The following FUT8 variants were observed in gnomAD, a reference collection of about 807,000 sequenced individuals.
FUT8 encodes the protein fucosyltransferase 8.
In FUT8, 29 loss-of-function variants were observed where a neutral mutation model predicts 71.3. The observed-to-expected ratio is 0.41, with a 90% CI of 0.30 to 0.55. FUT8 has a LOEUF of 0.55. FUT8 is among the 20% of genes least tolerant of loss of function. FUT8 has a pLI of 0.34. For missense variants in FUT8, 544 were observed against 702.1 expected, an observed-to-expected ratio of 0.77 and a Z score of 2.55; for synonymous variants, 254 against 239.3, an observed-to-expected ratio of 1.06 and a Z score of -0.57.
intron 1 of FUT8, among the ~76,000 whole-genome samples, chr14:65,419,819 C>T (rs990277345): frequency 6.6e-6 from 1 of 152,076 alleles, no homozygotes; most frequent in African/African-American, 2.4e-5. Context: ...GTAAACCGAC[C>T]CCCTCAACAG....
At chr14:65,381,556 G>A in the FUT8 span, among the ~76,000 whole-genome samples, 4 of 152,256 alleles carry the variant, frequency 2.6e-5, no homozygotes, top group East Asian at 3.9e-4. Flanking sequence ...TAACTATTCC[G>A]GGCCTCTTGA....
the FUT8 span, among the ~76,000 whole-genome samples, chr14:65,368,577 A>G: frequency 7.6e-6 from 1 of 132,084 alleles, no homozygotes; most frequent in Non-Finnish European, 1.6e-5. Flanking sequence ...GCTGGAGTGC[A>G]GTGGCGTGAT....
rs398025445 is a variant in FUT8, at chr14:65,474,441, G to GAAAAAAAAAAA, written c.-228+18729_-228+18739dup. On this transcript the variant is annotated intron_variant, in intron 2 of 10. Coordinates refer to ENST00000673929, the MANE Select transcript of FUT8 (RefSeq NM_001371533.1). ...AACATGGTGAAAACCTGTCTCTACT[G>GAAAAAAAAAAA]AAAAAAAAAAAAAAAAGCCAGGCGT... Among the ~76,000 whole-genome samples, 42 of 39,662 alleles carry GAAAAAAAAAAA rather than the reference G, an allele frequency of 1.1e-3. 3 individuals carry two copies. The highest frequency in any genetic ancestry group is 0.011 in the Middle Eastern group (1 of 88). The allele number at this position is 39,662 out of a possible 152,430, so 26.0% of individuals were successfully genotyped here. A position where few individuals can be genotyped will look rare whatever the true frequency, so the allele number is the denominator to read the frequency against.
In FUT8 at chr14:65,474,441, G is replaced by GAAAAAAAAAAAAAAA. The variant is rs398025445; in HGVS notation, c.-228+18725_-228+18739dup. ...AACATGGTGAAAACCTGTCTCTACTGAAAAAAAAAAAAAAAAGCCAGGCGT... is the reference window on the plus strand; with the variant it reads ...AACATGGTGAAAACCTGTCTCTACTGAAAAAAAAAAAAAAAAAAAAAAAAAAAAAAAGCCAGGCGT... On this transcript the variant is annotated intron_variant, in intron 2 of 10. Transcript: ENST00000673929. 6.3e-4 allele frequency among the ~76,000 whole-genome samples: 25 copies of GAAAAAAAAAAAAAAA among 39,678 alleles called. 3 individuals carry two copies. The East Asian group carries it at 0.017, about 27-fold the overall frequency. The allele number at this position is 39,678 out of a possible 152,430, so 26.0% of individuals were successfully genotyped here.
At chr14:65,576,572 A>C (rs552178855) in intron 3 of FUT8, among the ~76,000 whole-genome samples, 1 of 151,764 alleles carries the variant, frequency 6.6e-6, no homozygotes, top group African/African-American at 2.4e-5. Context: ...TCTGTCTCCA[A>C]GGCTGGAGTG....
intron 3 of FUT8, among the ~76,000 whole-genome samples, chr14:65,612,771 T>C (rs1335562918): frequency 1.3e-5 from 2 of 152,208 alleles, no homozygotes; most frequent in East Asian, 3.8e-4. Flanking sequence ...ATCACTGCCC[T>C]TTGTTGCCTG....
chr14:65,582,919 C>T (rs943538180), intron 3 of FUT8, among the ~76,000 whole-genome samples: 3 of 152,160 alleles, frequency 2.0e-5, no homozygotes, highest in African/African-American at 7.2e-5. Context: ...ACATGCTGAT[C>T]TATGCCTGTT....
chr14:65,507,014 G>A (rs1055090559), intron 2 of FUT8, among the ~76,000 whole-genome samples: 4 of 152,258 alleles, frequency 2.6e-5, no homozygotes, highest in Admixed American at 6.5e-5. Context: ...CCATGACCTC[G>A]ATCAGCAAGT....
chr14:65,537,018 A>G (rs1470277528), intron 2 of FUT8, among the ~76,000 whole-genome samples: 2 of 86,990 alleles, frequency 2.3e-5, no homozygotes, highest in Non-Finnish European at 4.6e-5. Context: ...GCCAGTCTTC[A>G]AGTTCTATGA....
At position 65,574,052 on chromosome 14, in the gene FUT8, A is replaced by G. The variant is rs1269921757; in HGVS notation, c.203+12286A>G. On this transcript the variant is annotated intron_variant, in intron 3 of 10. Coordinates refer to ENST00000673929, the MANE Select transcript of FUT8 (RefSeq NM_001371533.1). The surrounding 1 kb of genome is among the most constrained non-coding windows in gnomAD (Gnocchi z 5.2). ...GGTCTGCAGTTTATTTCAAGGCTCA[A>G]TTAAAGAAGGATACAGTTCTAAAAT... Among the ~76,000 whole-genome samples, 6 of 152,180 alleles carry G rather than the reference A, an allele frequency of 3.9e-5. No homozygotes were observed. The highest frequency in any genetic ancestry group is 7.3e-5 in the Non-Finnish European group (5 of 68,050).
chr14:65,487,315 G>A (rs1039345739), intron 2 of FUT8, among the ~76,000 whole-genome samples: 1 of 152,190 alleles, frequency 6.6e-6, no homozygotes, highest in Non-Finnish European at 1.5e-5. Flanking sequence ...TGTAATCCCA[G>A]CACTTTGGGA....
chr14:65,408,443 A>G (rs2065095384), upstream of FUT8, among the ~76,000 whole-genome samples: 1 of 152,184 alleles, frequency 6.6e-6, no homozygotes, highest in Non-Finnish European at 1.5e-5. Flanking sequence ...ATCTTTTTGT[A>G]TGTCTGGAAA....
chr14:65,522,640 G>C (rs992213090), intron 2 of FUT8, among the ~76,000 whole-genome samples: 32 of 152,018 alleles, frequency 2.1e-4, no homozygotes, highest in African/African-American at 7.2e-4. Flanking sequence ...TGTTACATAT[G>C]TATACATGTG....
chr14:65,554,770 C>A (rs184483230), intron 2 of FUT8, among the ~76,000 whole-genome samples: 33 of 152,190 alleles, frequency 2.2e-4, no homozygotes, highest in South Asian at 8.3e-4. Flanking sequence ...CTCTGTGTTC[C>A]AGCTCCATCC....
At chr14:65,509,749 T>C (rs1882210667) in intron 2 of FUT8, among the ~76,000 whole-genome samples, 1 of 152,200 alleles carries the variant, frequency 6.6e-6, no homozygotes. Context: ...ATAGAAATGC[T>C]ACTTATTTTT....
intron 6 of FUT8, among the ~76,000 whole-genome samples, chr14:65,659,724 C>T (rs914359219): frequency 5.9e-5 from 9 of 152,012 alleles, no homozygotes; most frequent in Non-Finnish European, 1.0e-4. Flanking sequence ...CCTTTCTTCC[C>T]CTCTGTTCTC....
At position 65,561,748 on chromosome 14, in the gene FUT8, G is replaced by T. The variant is rs368200233; in HGVS notation, c.185G>T (p.Arg62Leu). 6.2e-7 allele frequency: 1 copy of T among 1,612,908 alleles called. No individual in the cohort carries two copies. ...RLKQQNEDLR[R>L]MAESLRIPEG... The stretch of plus-strand genomic sequence containing the variant: ...AAACAACAGAATGAAGACTTGAGGC[G>T]AATGGCCGAATCTCTCCGGTAGGTC... The change falls in exon 3 of 11, where the codon CGA becomes CTA. Residue 62 changes from arginine to leucine, a missense_variant. Arg to Leu is a moderately radical substitution (Grantham distance 102). Transcript: ENST00000673929.
At chr14:65,549,157 G>A (rs1885142786) in intron 2 of FUT8, among the ~76,000 whole-genome samples, 1 of 152,158 alleles carries the variant, frequency 6.6e-6, no homozygotes, top group African/African-American at 2.4e-5. Context: ...AGCCACTTTG[G>A]AATAGAGTTT....
At chr14:65,529,306 A>C (rs1232673213) in intron 2 of FUT8, 1 of 151,862 alleles carries the variant, frequency 6.6e-6, no homozygotes, top group Non-Finnish European at 1.5e-5. Flanking sequence ...ATTTTGGTTC[A>C]CCGCAACCTC....
Sources: gnomAD v4.1 joint callset for allele counts (sites outside exome capture counted in the v4.1 genomes callset) on GRCh38, gnomAD v4.1.1 for gene constraint, Gnocchi (gnomAD v3.1) non-coding constraint, MANE v1.5 for transcripts, NCBI Gene and HGNC (gene_info 2026-07-23, HGNC 2026-07-21) for gene names.